The following CADM2 variants were observed in gnomAD, a reference collection of about 807,000 sequenced individuals.
CADM2 encodes the protein cell adhesion molecule 2, also known as immunoglobulin superfamily member 4D.
CADM2 carries 12 observed loss-of-function variants against 49.8 expected under a neutral mutation model. The observed-to-expected ratio is 0.24, with a 90% CI of 0.15 to 0.39. The LOEUF is 0.39. Among genes scored for constraint, CADM2 ranks in the 10% least tolerant of loss-of-function variants. The pLI, the probability that CADM2 is intolerant of heterozygous loss-of-function variation, is 1.00. For missense variants in CADM2, 378 were observed against 492.3 expected (o/e 0.77, Z 2.20); for synonymous variants, 214 against 175.4 (o/e 1.22, Z -1.74).
rs556922789 is a variant in CADM2, at chr3:85,452,840, A to T, written c.62-273682A>T. Among the ~76,000 whole-genome samples, 4 of 152,312 alleles carry T rather than the reference A, an allele frequency of 2.6e-5. No homozygotes were observed. In the East Asian group the frequency reaches 7.7e-4, roughly 29 times the overall value. On this transcript the variant is annotated intron_variant, in intron 1 of 9. Coordinates refer to ENST00000383699, the MANE Select transcript of CADM2 (RefSeq NM_001167675.2). ...AAGTGTTTGCCAACAAGTTGCCTAA[A>T]AACTATGACAGCAAGGTCCTTAACT...
At chr3:85,279,790 C>T (rs1024731493) in intron 1 of CADM2, among the ~76,000 whole-genome samples, 1 of 151,424 alleles carries the variant, frequency 6.6e-6, no homozygotes, top group Non-Finnish European at 1.5e-5. Context: ...ACATACTTAC[C>T]ATCACTGGTC....
intron 8 of CADM2, chr3:86,028,063 A>AG (rs1186213109): frequency 1.2e-4 from 6 of 51,074 alleles, no homozygotes; most frequent in African/African-American, 1.7e-4. Context: ...GGGTGGGGGG[A>AG]GGGGGGAGGG....
intron 1 of CADM2, among the ~76,000 whole-genome samples, chr3:85,555,824 G>A (rs372552146): frequency 3.6e-4 from 54 of 152,030 alleles, no homozygotes; most frequent in African/African-American, 8.7e-4. Flanking sequence ...TAAATTACAC[G>A]TATATATTTA....
chr3:85,874,194 C>T (rs754301530), intron 3 of CADM2, among the ~76,000 whole-genome samples: 9 of 152,106 alleles, frequency 5.9e-5, no homozygotes, highest in Non-Finnish European at 1.3e-4. Context: ...GAAAACAGAA[C>T]TGTGAAAAAT....
intron 2 of CADM2, among the ~76,000 whole-genome samples, chr3:85,798,166 T>C (rs2071741716): frequency 6.6e-6 from 1 of 152,224 alleles, no homozygotes; most frequent in African/African-American, 2.4e-5. Flanking sequence ...TTCAGGATAT[T>C]AGACCTTTGT....
intron 8 of CADM2, among the ~76,000 whole-genome samples, chr3:86,012,162 A>G (rs1283541593): frequency 2.0e-5 from 3 of 152,184 alleles, no homozygotes; most frequent in African/African-American, 4.8e-5. Flanking sequence ...TATTAAAATA[A>G]TATATACAGC....
intron 1 of CADM2, among the ~76,000 whole-genome samples, chr3:85,517,098 A>G (rs2060922379): frequency 6.6e-6 from 1 of 151,938 alleles, no homozygotes; most frequent in Non-Finnish European, 1.5e-5. Context: ...ATAATCTTAT[A>G]ATCTATAGAA....
chr3:86,049,853 T>G (rs909336016), intron 8 of CADM2, among the ~76,000 whole-genome samples: 1 of 152,140 alleles, frequency 6.6e-6, no homozygotes, highest in African/African-American at 2.4e-5. Context: ...CCTCGCATCA[T>G]GCCCCATCTT....
chr3:85,507,721 T>A (rs2040421524), intron 1 of CADM2, among the ~76,000 whole-genome samples: 1 of 152,170 alleles, frequency 6.6e-6, no homozygotes, highest in South Asian at 2.1e-4. Flanking sequence ...ACTTTTGTGC[T>A]CCTCAGCAAT....
At chr3:85,584,524 A>T (rs926524992) in intron 1 of CADM2, among the ~76,000 whole-genome samples, 6 of 152,086 alleles carry the variant, frequency 3.9e-5, no homozygotes, top group Non-Finnish European at 7.4e-5. Context: ...GGGATAATTA[A>T]ATTTCCCAAG....
chr3:85,684,157 T>A (rs574000709), intron 1 of CADM2, among the ~76,000 whole-genome samples: 1 of 152,312 alleles, frequency 6.6e-6, no homozygotes, highest in East Asian at 1.9e-4. Flanking sequence ...TCTAATAAAC[T>A]GTACATTATT....
At chr3:85,844,142 G>A (rs2074769486) in intron 3 of CADM2, among the ~76,000 whole-genome samples, 1 of 152,022 alleles carries the variant, frequency 6.6e-6, no homozygotes, top group African/African-American at 2.4e-5. Context: ...GAGTTCTTGA[G>A]AAGAATATGT....
At position 86,049,080 on chromosome 3, in the gene CADM2, G is replaced by A. The variant is rs111480405; in HGVS notation, c.971-16525G>A. The stretch of plus-strand genomic sequence containing the variant: ...TAACAACAAAAACCTTTCATGTAAT[G>A]TAGTAATTAAAATGTCTTCCATATG... On this transcript the variant is annotated intron_variant, in intron 8 of 9. Transcript: ENST00000383699. Among the ~76,000 whole-genome samples, 967 of 151,942 alleles carry A rather than the reference G, an allele frequency of 6.4e-3. 4 individuals carry two copies. The highest frequency in any genetic ancestry group is 0.011 in the Admixed American group (161 of 15,264).
intron 1 of CADM2, among the ~76,000 whole-genome samples, chr3:85,324,273 G>T (rs1362987761): frequency 2.0e-5 from 3 of 152,148 alleles, no homozygotes; most frequent in East Asian, 3.9e-4. Flanking sequence ...TAGTATATAG[G>T]AATACTGAAA....
chr3:85,258,453 G>A (rs939936815), intron 1 of CADM2, among the ~76,000 whole-genome samples: 18 of 151,610 alleles, frequency 1.2e-4, no homozygotes, highest in South Asian at 4.2e-4. Context: ...CTTTTCCAGT[G>A]TGCTCTTCTG....
At chr3:85,110,368 C>G (rs375029175) in intron 1 of CADM2, among the ~76,000 whole-genome samples, 3 of 151,698 alleles carry the variant, frequency 2.0e-5, no homozygotes, top group Admixed American at 2.0e-4. Flanking sequence ...TTGATTTGAG[C>G]AAAGTCAAAA....
chr3:85,329,564 C>T (rs951242750), intron 1 of CADM2, among the ~76,000 whole-genome samples: 6 of 151,916 alleles, frequency 3.9e-5, no homozygotes, highest in African/African-American at 1.4e-4. Context: ...CCAGCCTGGG[C>T]GACAGAACAA....
intron 1 of CADM2, among the ~76,000 whole-genome samples, chr3:85,229,534 C>A (rs1008515141): frequency 6.6e-6 from 1 of 152,184 alleles, no homozygotes; most frequent in African/African-American, 2.4e-5. Context: ...CTGCCTTCTG[C>A]ATGGATATTG....
At chr3:85,394,430 G>A (rs2034669959) in intron 1 of CADM2, among the ~76,000 whole-genome samples, 1 of 152,036 alleles carries the variant, frequency 6.6e-6, no homozygotes, top group Admixed American at 6.6e-5. Context: ...CCCAGTAAAT[G>A]TTTGTATTAT....
Sources: allele counts gnomAD v4.1 joint callset (sites outside exome capture counted in the v4.1 genomes callset), GRCh38; gene constraint gnomAD v4.1.1; transcripts MANE v1.5; gene names NCBI Gene and HGNC (gene_info 2026-07-23, HGNC 2026-07-21).